Variants in CASD1 observed in about 807,000 individuals in gnomAD.
The protein encoded by CASD1 is N-acetylneuraminate (7)9-O-acetyltransferase.
In CASD1, 41 loss-of-function variants were observed where a neutral mutation model predicts 100.0. That is an observed-to-expected ratio of 0.41 (90% CI 0.32 to 0.53). CASD1 has a LOEUF of 0.53. Among genes scored for constraint, CASD1 ranks in the 20% least tolerant of loss-of-function variants. CASD1 has a pLI of 0.25. For missense variants in CASD1, 774 were observed against 948.7 expected (o/e 0.82, Z 2.42); for synonymous variants, 321 against 315.6 (o/e 1.02, Z -0.18).
the CASD1 span, among the ~76,000 whole-genome samples, chr7:94,612,987 G>C: frequency 6.6e-6 from 1 of 152,184 alleles, no homozygotes; most frequent in African/African-American, 2.4e-5. Flanking sequence ...TGTAGTTCTA[G>C]TCACCATCAC....
chr7:94,555,068 T>TA (rs1255199703), intron 17 of CASD1, among the ~76,000 whole-genome samples: 1 of 152,140 alleles, frequency 6.6e-6, no homozygotes, highest in Non-Finnish European at 1.5e-5. Flanking sequence ...AATATGAAAT[T>TA]ATCTACAAAA....
Position 94,547,103 on chromosome 7 carries a change from T to A in CASD1, c.1641T>A (p.Cys547Ter). ...QIIQKKANGNCFWHFGLLLKL... is the reference protein window; with the variant it reads ...QIIQKKANGN Reference sequence around the variant, plus strand: ...AAATATTTTCTCTCTTAGGAAATTGTTTCTGGCATTTTGGCTTACTGTTGA... The same window carrying A: ...AAATATTTTCTCTCTTAGGAAATTGATTCTGGCATTTTGGCTTACTGTTGA... The change falls in exon 13 of 18, where the codon TGT (cysteine) becomes TGA (stop). Residue 547 changes from cysteine (C) to a stop codon, truncating the protein, a stop_gained. Transcript: ENST00000297273. LOFTEE classifies it high-confidence loss of function. The A allele has an allele frequency of 6.3e-7, 1 of 1,584,188 alleles. No individual in the cohort carries two copies. Among genetic ancestry groups the A allele is most frequent in the Non-Finnish European group, 8.6e-7 (1 of 1,164,264 alleles).
At chr7:94,514,921 GTTTT>G (rs1793898181) in intron 1 of CASD1, among the ~76,000 whole-genome samples, 1 of 152,014 alleles carries the variant, frequency 6.6e-6, no homozygotes, top group African/African-American at 2.4e-5. Flanking sequence ...AGGTTTGTTT[GTTTT>G]GTTAGGTTTA....
At chr7:94,527,355 G>A (rs1232589519) in intron 4 of CASD1, 149 bp downstream of exon 4, 2 of 596,810 alleles carry the variant, frequency 3.4e-6, no homozygotes, top group Admixed American at 3.0e-5. Context: ...GTTATTTTAT[G>A]TAATGGTCTC....
At chr7:94,615,365 A>G in the CASD1 span, among the ~76,000 whole-genome samples, 50 of 142,310 alleles carry the variant, frequency 3.5e-4, 1 homozygote, top group African/African-American at 1.2e-3. Context: ...TCTCAAAATA[A>G]ATAGATAGAT....
intron 15 of CASD1, 101 bp downstream of exon 15, chr7:94,551,579 C>T (rs1554415389): frequency 6.3e-6 from 3 of 478,326 alleles, no homozygotes; most frequent in Non-Finnish European, 6.3e-6. Context: ...CTTTTTTTCT[C>T]CTTATTTTTC....
At chr7:94,558,103 T>G (rs552802750), downstream of CASD1, among the ~76,000 whole-genome samples, 134 of 152,306 alleles carry the variant, frequency 8.8e-4, 1 homozygote, top group African/African-American at 3.1e-3. Flanking sequence ...GACTGAATTC[T>G]ACCTCAATCG....
chr7:94,587,498 A>G, the CASD1 span: 1 of 1,293,028 alleles, frequency 7.7e-7, no homozygotes, highest in Non-Finnish European at 9.7e-7. Context: ...TCGTAGAAGT[A>G]TTCTTTTAGA....
the CASD1 span, among the ~76,000 whole-genome samples, chr7:94,586,061 G>GAA: frequency 0.046 from 1,315 of 28,892 alleles, 246 homozygotes; most frequent in East Asian, 0.058. Context: ...GGAACTAAAT[G>GAA]AAAAAAAAAA....
In CASD1 at chr7:94,510,648, T is replaced by G. The variant is rs533423262; in HGVS notation, c.133+431T>G. 2.6e-5 allele frequency among the ~76,000 whole-genome samples: 4 copies of G among 152,258 alleles called. No individual in the cohort carries two copies. The South Asian group carries it at 6.2e-4, about 24-fold the overall frequency. ...CTGCAAGGGGCACCGCTGCCAGCAG[T>G]GGGGTCGCAGGTCCTGCCTCTTAAG... is the stretch of plus-strand genomic sequence containing the variant. On this transcript the variant is annotated intron_variant, in intron 1 of 17. Coordinates refer to ENST00000297273, the MANE Select transcript of CASD1 (RefSeq NM_022900.5).
At chr7:94,564,872 T>TCATTG in the CASD1 span, among the ~76,000 whole-genome samples, 1 of 152,164 alleles carries the variant, frequency 6.6e-6, no homozygotes, top group East Asian at 1.9e-4. Context: ...TATATCTTTG[T>TCATTG]CATTGCATTG....
the CASD1 span, among the ~76,000 whole-genome samples, chr7:94,573,240 A>G: frequency 1.3e-5 from 2 of 152,166 alleles, no homozygotes; most frequent in Admixed American, 1.3e-4. Context: ...ATTTTAAAAT[A>G]GTTTTTTTTC....
the CASD1 span, chr7:94,628,544 G>A: frequency 4.4e-5 from 25 of 565,210 alleles, no homozygotes; most frequent in African/African-American, 4.3e-4. Flanking sequence ...CCTTTTGGTT[G>A]TTTAATTTGT....
chr7:94,552,299 G>A (rs929676141), intron 15 of CASD1, 51 bp from the exon 16 acceptor site: 4 of 1,208,504 alleles, frequency 3.3e-6, no homozygotes, highest in African/African-American at 3.0e-5. Flanking sequence ...TGAGGCTTAT[G>A]CCTCTTCCAG....
At chr7:94,621,724 T>C in the CASD1 span, 1 of 152,192 alleles carries the variant, frequency 6.6e-6, no homozygotes, top group African/African-American at 2.4e-5. Flanking sequence ...GGAAGGAAAC[T>C]TTTCAATTAT....
At chr7:94,585,612 A>G in the CASD1 span, 6 of 813,288 alleles carry the variant, frequency 7.4e-6, no homozygotes, top group South Asian at 4.0e-5. Flanking sequence ...GAAAGTTTCC[A>G]TCTTCTTAAT....
chr7:94,603,974 A>G, the CASD1 span, among the ~76,000 whole-genome samples: 1 of 152,098 alleles, frequency 6.6e-6, no homozygotes, highest in African/African-American at 2.4e-5. Flanking sequence ...TAGTTTTTCT[A>G]CTACACAAAC....
the CASD1 span, among the ~76,000 whole-genome samples, chr7:94,604,002 C>T: frequency 1.8e-4 from 27 of 152,080 alleles, no homozygotes; most frequent in Admixed American, 1.8e-3. Context: ...TGCTTGGTCT[C>T]TCATTAGAAG....
At chr7:94,538,258 T>G (rs560223127) in intron 9 of CASD1, among the ~76,000 whole-genome samples, 40 of 152,274 alleles carry the variant, frequency 2.6e-4, no homozygotes, top group African/African-American at 9.4e-4. Flanking sequence ...AAGAATATAA[T>G]TAACAAATGC....
Sources: gnomAD v4.1 joint callset for allele counts (sites outside exome capture counted in the v4.1 genomes callset) on GRCh38, gnomAD v4.1.1 for gene constraint, MANE v1.5 for transcripts, NCBI Gene and HGNC (gene_info 2026-07-23, HGNC 2026-07-21) for gene names.